Variants in OR3A2 observed in about 807,000 individuals in gnomAD.
The protein encoded by OR3A2 is olfactory receptor 3A2.
For synonymous variants in OR3A2, 126 were observed against 159.3 expected, an observed-to-expected ratio of 0.79 and a Z score of 1.57; for missense variants, 318 against 392.8, an observed-to-expected ratio of 0.81 and a Z score of 1.61.
intron 2 of OR3A2, among the ~76,000 whole-genome samples, chr17:3,367,189 TG>T (rs951713944): frequency 1.4e-4 from 21 of 152,138 alleles, no homozygotes; most frequent in Non-Finnish European, 4.4e-5. Context: ...CTGTGACTTT[TG>T]GCAATTTACA....
At chr17:3,315,417 T>C (rs972751617) in intron 3 of OR3A2, among the ~76,000 whole-genome samples, 1 of 152,214 alleles carries the variant, frequency 6.6e-6, no homozygotes, top group Non-Finnish European at 1.5e-5. Flanking sequence ...GTGATTTTGA[T>C]TTGCATTCCT....
chr17:3,322,267 T>C (rs1390757610), intron 3 of OR3A2, among the ~76,000 whole-genome samples: 1 of 152,188 alleles, frequency 6.6e-6, no homozygotes, highest in Non-Finnish European at 1.5e-5. Flanking sequence ...CTCTCTTTTC[T>C]TCTTTATTAG....
At chr17:3,286,751 G>A (rs779330026), upstream of OR3A2, among the ~76,000 whole-genome samples, 5 of 152,058 alleles carry the variant, frequency 3.3e-5, no homozygotes, top group African/African-American at 4.8e-5. Context: ...CATATCCTTC[G>A]CTCACTTTTT....
chr17:3,375,231 T>C (rs12946095), intron 2 of OR3A2, among the ~76,000 whole-genome samples: 1 of 53,880 alleles, frequency 1.9e-5, no homozygotes, highest in South Asian at 1.5e-3. Flanking sequence ...TTTTTTTTTC[T>C]TTTTTTTTTT....
At chr17:3,292,362 A>G in intron 3 of OR3A2, 1 of 1,614,038 alleles carries the variant, frequency 6.2e-7, no homozygotes, top group Non-Finnish European at 8.5e-7. Context: ...GATGCACCCA[A>G]CATCCAGCAC....
intron 2 of OR3A2, among the ~76,000 whole-genome samples, chr17:3,338,981 A>G (rs1410815102): frequency 2.6e-5 from 4 of 152,146 alleles, no homozygotes; most frequent in African/African-American, 9.7e-5. Flanking sequence ...GAGGTCCTTC[A>G]CAACCTTTGT....
intron 1 of OR3A2, among the ~76,000 whole-genome samples, chr17:3,281,625 C>T (rs62089501): frequency 0.2 from 30,356 of 148,702 alleles, 4,037 homozygotes; most frequent in African/African-American, 0.37. Context: ...TTCTTGCCAC[C>T]CCCTCAAATT....
intron 1 of OR3A2, among the ~76,000 whole-genome samples, chr17:3,283,630 A>C (rs976906755): frequency 6.6e-6 from 1 of 152,216 alleles, no homozygotes; most frequent in African/African-American, 2.4e-5. Flanking sequence ...GGAATTTGTC[A>C]TGGCTTAGTG....
chr17:3,357,874 A>G (rs537644025), intron 2 of OR3A2, among the ~76,000 whole-genome samples: 126 of 151,140 alleles, frequency 8.3e-4, no homozygotes, highest in Non-Finnish European at 1.5e-3. Flanking sequence ...ATTTTATGTT[A>G]TGTATGTTTT....
At chr17:3,287,429 G>A (rs181341654), upstream of OR3A2, among the ~76,000 whole-genome samples, 8 of 152,070 alleles carry the variant, frequency 5.3e-5, no homozygotes, top group African/African-American at 7.2e-5. Flanking sequence ...ATGTGTACGC[G>A]GTATTGTGTC....
intron 3 of OR3A2, among the ~76,000 whole-genome samples, chr17:3,324,826 G>T (rs988391247): frequency 6.6e-6 from 1 of 152,132 alleles, no homozygotes; most frequent in Non-Finnish European, 1.5e-5. Context: ...TGAGGAGGCA[G>T]TCTGCCCGTT....
intron 2 of OR3A2, among the ~76,000 whole-genome samples, chr17:3,370,105 A>G (rs1416778895): frequency 3.3e-5 from 5 of 152,048 alleles, no homozygotes; most frequent in Non-Finnish European, 7.4e-5. Flanking sequence ...GCCCAGCCCA[A>G]TTCTTCTTTG....
At chr17:3,334,316 C>G (rs1049449504) in intron 3 of OR3A2, among the ~76,000 whole-genome samples, 4 of 152,132 alleles carry the variant, frequency 2.6e-5, no homozygotes, top group African/African-American at 9.7e-5. Context: ...CCTACCATTC[C>G]TGGCCTCTGG....
chr17:3,382,487 A>G (rs1029233944), intron 2 of OR3A2, among the ~76,000 whole-genome samples: 1 of 152,228 alleles, frequency 6.6e-6, no homozygotes, highest in South Asian at 2.1e-4. Flanking sequence ...GAGGGAGACC[A>G]GCCAACAATC....
chr17:3,377,824 A>C (rs1278901555), intron 2 of OR3A2, among the ~76,000 whole-genome samples: 1 of 152,250 alleles, frequency 6.6e-6, no homozygotes, highest in Non-Finnish European at 1.5e-5. Context: ...GAGAAATTGG[A>C]ACTCTCAAAT....
At position 3,325,776 on chromosome 17, in the gene OR3A2, C is replaced by A. The variant is rs150910617; in HGVS notation, c.-85+10257G>T. Among the ~76,000 whole-genome samples the A allele has an allele frequency of 9.7e-3, 1,482 of 152,122 alleles. 47 individuals carry two copies. The highest frequency in any genetic ancestry group is 0.035 in the African/African-American group (1,437 of 41,448). On this transcript the variant is annotated intron_variant, in intron 3 of 4. Transcript: ENST00000573491. ...CATGTAAAATTTACCATCTTTACTA[C>A]TTTTTCTCTCTTCAACTTTCACTTT...
upstream of OR3A2, among the ~76,000 whole-genome samples, chr17:3,288,243 G>A (rs2048831649): frequency 1.2e-5 from 1 of 83,954 alleles, no homozygotes; most frequent in African/African-American, 6.0e-5. Context: ...ATCACCAAAA[G>A]GGCAAAAAAA....
chr17:3,315,378 T>C (rs1266862632), intron 3 of OR3A2, among the ~76,000 whole-genome samples: 1 of 152,218 alleles, frequency 6.6e-6, no homozygotes, highest in South Asian at 2.1e-4. Flanking sequence ...ATAGTAGCCA[T>C]TCTGACTGGT....
chr17:3,316,495 G>A (rs1567552204), intron 3 of OR3A2, among the ~76,000 whole-genome samples: 1 of 152,112 alleles, frequency 6.6e-6, no homozygotes, highest in African/African-American at 2.4e-5. Context: ...AGCTCTACTA[G>A]GACTCAGCAG....
Sources: gnomAD v4.1 joint callset for allele counts (sites outside exome capture counted in the v4.1 genomes callset) on GRCh38, gnomAD v4.1.1 for gene constraint, MANE v1.5 for transcripts, NCBI Gene and HGNC (gene_info 2026-07-23, HGNC 2026-07-21) for gene names.